Variants in HARS2 observed in about 807,000 individuals in gnomAD.
HARS2 encodes histidyl-tRNA synthetase 2, mitochondrial.
In HARS2, 40 loss-of-function variants were observed where a neutral mutation model predicts 62.4. That is an observed-to-expected ratio of 0.64 (90% CI 0.50 to 0.83). HARS2 has a LOEUF of 0.83. HARS2 is among the 40% of genes least tolerant of loss of function. The pLI, the probability that HARS2 is intolerant of heterozygous loss-of-function variation, is 0.00. For missense variants in HARS2, 569 were observed against 626.4 expected (o/e 0.91, Z 0.98); for synonymous variants, 228 against 227.0 (o/e 1.00, Z -0.04).
chr5:140,693,813 A>C, intron 2 of HARS2, 122 bp from the exon 3 acceptor site: 1 of 1,290,320 alleles, frequency 7.8e-7, no homozygotes, highest in Non-Finnish European at 1.1e-6. Context: ...GCTCAGAGTC[A>C]TTTGAACTCA....
chr5:140,693,051 C>T (rs934276371), intron 1 of HARS2, among the ~76,000 whole-genome samples: 5 of 151,466 alleles, frequency 3.3e-5, no homozygotes, highest in South Asian at 2.1e-4. Flanking sequence ...ATTAAAAATG[C>T]GGCTGAGCTC....
intron 2 of HARS2, 71 bp downstream of exon 2, chr5:140,693,736 T>G: frequency 7.6e-7 from 1 of 1,322,010 alleles, no homozygotes; most frequent in Non-Finnish European, 1.1e-6. Context: ...CATGTCTCTC[T>G]GACCCCTTTT....
At chr5:140,692,294 A>C (rs1341456441) in intron 1 of HARS2, 2 of 162,446 alleles carry the variant, frequency 1.2e-5, no homozygotes. Flanking sequence ...TGGAACCACC[A>C]CATCCTCTAT....
rs536919454 is a variant in HARS2 at position 140,697,166 on chromosome 5, C to A, written c.957C>A (p.Ile319=). 2 of 1,614,238 alleles carry A rather than the reference C, an allele frequency of 1.2e-6. No individual in the cohort carries two copies. The highest frequency in any genetic ancestry group is 2.2e-5 in the East Asian group (1 of 44,892). The stretch of plus-strand genomic sequence containing the variant: ...TGACTGTAATCTTGTCCCCACAGAT[C>A]TCCTTTGACCTCAGCCTGGCTCGGG... ...YLTLFGIADK[I]SFDLSLARGL... Residue 319 remains isoleucine (I), a splice_region_variant and synonymous_variant, in exon 10 of 13, where the codon ATC becomes ATA. Coordinates refer to ENST00000230771, the MANE Select transcript of HARS2 (RefSeq NM_012208.4).
rs763978025 is a variant in HARS2 at position 140,695,843 on chromosome 5, A to T, written c.631A>T (p.Lys211Ter). ...ATTGCAGTTGGGAGACTTTCTCATT[A>T]AGGTGAGGCCAGGGCTGAGAACTGT... is the stretch of plus-strand genomic sequence containing the variant. ...SGLQLGDFLIKVNDRRIVDGM... is the reference protein window; with the variant it reads ...SGLQLGDFLI The change falls in exon 6 of 13, where the codon AAG (lysine) becomes TAG (stop). Residue 211 changes from lysine to a stop codon, truncating the protein, a stop_gained and splice_region_variant. Transcript: ENST00000230771. LOFTEE classifies it high-confidence loss of function. 6.3e-7 allele frequency: 1 copy of T among 1,595,874 alleles called. No homozygotes were observed. Among genetic ancestry groups the T allele is most frequent in the East Asian group, 2.2e-5 (1 of 44,776 alleles).
chr5:140,693,520 A>G (rs770110046), intron 1 of HARS2, 71 bp from the exon 2 acceptor site: 14 of 1,613,080 alleles, frequency 8.7e-6, no homozygotes, highest in African/African-American at 8.0e-5. Context: ...TTGGTGGTCA[A>G]CAGGGTCAGA....
At position 140,698,550 on chromosome 5, in the gene HARS2, T is replaced by C. The variant is rs747755320; in HGVS notation, c.1519T>C (p.Ter507ArgextTer24). Residue 507 changes from the stop codon to arginine, a stop_lost, in exon 13 of 13, where the codon TGA (stop) becomes CGA (arginine). Transcript: ENST00000230771. The part of the protein sequence containing the change: ...AEIQKRLSES[*>R] The stretch of plus-strand genomic sequence containing the variant: ...AATTCAGAAGCGACTGTCTGAGTCT[T>C]GATCCTTGCCTGATTCCCATCTGCT... 1.8e-5 allele frequency: 29 copies of C among 1,611,386 alleles called. No individual in the cohort carries two copies. The highest frequency in any genetic ancestry group is 2.4e-5 in the Non-Finnish European group (28 of 1,177,392).
At chr5:140,693,833 AG>A in intron 2 of HARS2, 101 bp from the exon 3 acceptor site, 1 of 1,393,502 alleles carries the variant, frequency 7.2e-7, no homozygotes. Flanking sequence ...AGTAGATTTC[AG>A]CTCCAGACCT....
chr5:140,691,916 A>C, intron 1 of HARS2, 160 bp downstream of exon 1: 1 of 643,734 alleles, frequency 1.6e-6, no homozygotes, highest in Non-Finnish European at 2.8e-6. Flanking sequence ...TGGTCATTTA[A>C]TCCTTGGAGC....
At position 140,696,609 on chromosome 5, in the gene HARS2, G is replaced by T; in HGVS notation, c.821G>T (p.Cys274Phe). Reference sequence around the variant, plus strand: ...GATCGAATTGGGGACTATGTCCAGTGTCATGGTAAGAACCAGGGTTTTCAG... The same window carrying T: ...GATCGAATTGGGGACTATGTCCAGTTTCATGGTAAGAACCAGGGTTTTCAG... ...VADRIGDYVQ[C>F]HGGVSLVEQM... Residue 274 changes from cysteine to phenylalanine, a missense_variant, in exon 8 of 13, where the codon TGT becomes TTT. Cys to Phe is a radical substitution (Grantham distance 205, BLOSUM62 -2). Transcript: ENST00000230771. 6.2e-7 allele frequency: 1 copy of T among 1,604,476 alleles called. No homozygotes were observed. The highest frequency in any genetic ancestry group is 1.1e-5 in the South Asian group (1 of 90,872).
chr5:140,692,066 G>A, intron 1 of HARS2: 1 of 386,378 alleles, frequency 2.6e-6, no homozygotes, highest in Non-Finnish European at 4.7e-6. Context: ...GAAACTCTTG[G>A]ACTCAAACAG....
intron 4 of HARS2, 84 bp downstream of exon 4, chr5:140,694,364 G>C (rs1251835427): frequency 2.1e-6 from 2 of 959,332 alleles, no homozygotes; most frequent in African/African-American, 3.2e-5. Flanking sequence ...ACGTGACTTT[G>C]GGATCTTAGA....
intron 4 of HARS2, among the ~76,000 whole-genome samples, chr5:140,694,576 GT>G (rs953320832): frequency 3.3e-5 from 5 of 151,902 alleles, no homozygotes; most frequent in African/African-American, 9.7e-5. Context: ...TTAAAAAATT[GT>G]TTTTTTTGGC....
At chr5:140,696,306 T>C (rs1759739602) in intron 7 of HARS2, 105 bp downstream of exon 7, 1 of 920,302 alleles carries the variant, frequency 1.1e-6, no homozygotes, top group African/African-American at 1.6e-5. Context: ...AAGTGGGCTA[T>C]TTTGGGGTGG....
intron 1 of HARS2, among the ~76,000 whole-genome samples, chr5:140,692,891 G>GA (rs747298206): frequency 0.02 from 2,759 of 136,020 alleles, 44 homozygotes; most frequent in East Asian, 0.058. Context: ...GACTCTATCT[G>GA]AAAAAAAAAA....
rs1186756544 is a variant in HARS2 at position 140,698,040 on chromosome 5, G to T, written c.1423G>T (p.Gly475Trp). 6.2e-7 allele frequency: 1 copy of T among 1,614,222 alleles called. No homozygotes were observed. The change falls in exon 12 of 13, where the codon GGG (glycine) becomes TGG (tryptophan). Residue 475 changes from glycine (G) to tryptophan (W), a missense_variant. Gly to Trp is a radical substitution (Grantham distance 184). Transcript: ENST00000230771. The stretch of plus-strand genomic sequence containing the variant: ...TATTGGTGAGCAAGAACTGAAAGAA[G>T]GGGTCATCAAGATCCGTTCAGTGGC... ...VIIGEQELKE[G>W]VIKIRSVASR...
chr5:140,697,034 A>C lies in HARS2; in HGVS notation c.918A>C (p.Leu306=), dbSNP rs1355485982. 6.2e-7 allele frequency: 1 copy of C among 1,614,142 alleles called. No individual in the cohort carries two copies. Among genetic ancestry groups the C allele is most frequent in the Non-Finnish European group, 8.5e-7 (1 of 1,180,036 alleles). The part of the protein sequence containing the change: ...ALEGLGDLKL[L]FEYLTLFGIA... ...AGGGCCTGGGAGACCTAAAGCTGCTATTTGAATACCTGACTTTATTTGGAA... is the reference window on the plus strand; with the variant it reads ...AGGGCCTGGGAGACCTAAAGCTGCTCTTTGAATACCTGACTTTATTTGGAA... The change falls in exon 9 of 13, where the codon CTA becomes CTC. Residue 306 remains leucine (L), a synonymous_variant. Transcript: ENST00000230771.
intron 6 of HARS2, 44 bp downstream of exon 6, chr5:140,695,889 C>A: frequency 7.0e-7 from 1 of 1,429,716 alleles, no homozygotes; most frequent in Non-Finnish European, 9.9e-7. Context: ...TGGATTTGGC[C>A]TAATACTGTT....
intron 10 of HARS2, 24 bp from the exon 11 acceptor site, chr5:140,697,545 T>G (rs777141443): frequency 6.2e-7 from 1 of 1,603,168 alleles, no homozygotes; most frequent in South Asian, 1.1e-5. Context: ...TTTTTATTAG[T>G]TTTACTTTCT....
Sources: allele counts gnomAD v4.1 joint callset (sites outside exome capture counted in the v4.1 genomes callset), GRCh38; gene constraint gnomAD v4.1.1; transcripts MANE v1.5; gene names NCBI Gene and HGNC (gene_info 2026-07-23, HGNC 2026-07-21).